SPTB: variants seen among roughly 807,000 people sequenced by gnomAD.
The protein encoded by SPTB is spectrin beta, erythrocytic, also known as spectrin beta chain, erythrocytic.
In SPTB, 45 loss-of-function variants were observed where a neutral mutation model predicts 256.2. The ratio of observed to expected loss-of-function variants is 0.18; its 90% CI spans 0.14 to 0.23. The LOEUF (loss-of-function observed/expected upper bound fraction) is 0.23. Ranked by LOEUF, SPTB falls within the 10% of genes least tolerant of loss-of-function variation. The pLI is 1.00. For synonymous variants in SPTB, 1,231 were observed against 1,243.1 expected (o/e 0.99, Z 0.21); for missense variants, 2,715 against 3,040.4 (o/e 0.89, Z 2.52).
chr14:64,862,983 C>T (rs1189195869), intron 1 of SPTB, among the ~76,000 whole-genome samples: 1 of 152,144 alleles, frequency 6.6e-6, no homozygotes, highest in Non-Finnish European at 1.5e-5. Flanking sequence ...TCCTACCTCA[C>T]ATAGAAAGTA....
At position 64,777,127 on chromosome 14, in the gene SPTB, A is replaced by C. The variant is rs111327469; in HGVS notation, c.4564-1724T>G. On this transcript the variant is annotated intron_variant, in intron 22 of 35. Coordinates refer to ENST00000644917, the MANE Select transcript of SPTB (RefSeq NM_001355436.2). This position sits in a 1 kb window ranked among gnomAD's most constrained non-coding sequence, Gnocchi z 4.5. ...TGAGGATACGAAACTTGACCATGAC[A>C]TGAATGACGGGAGGGAGGCAACCAC... Among the ~76,000 whole-genome samples the C allele has an allele frequency of 1.3e-5, 2 of 152,226 alleles. No homozygotes were observed. The highest frequency in any genetic ancestry group is 4.8e-5 in the African/African-American group (2 of 41,462).
intron 1 of SPTB, among the ~76,000 whole-genome samples, chr14:64,846,237 T>C (rs1315675913): frequency 3.9e-5 from 6 of 152,282 alleles, no homozygotes; most frequent in South Asian, 4.1e-4. Flanking sequence ...GCCCCAGAAG[T>C]AGAGTGGACT....
intron 1 of SPTB, among the ~76,000 whole-genome samples, chr14:64,846,433 G>T (rs1367767877): frequency 6.6e-6 from 1 of 152,232 alleles, no homozygotes; most frequent in Non-Finnish European, 1.5e-5. Context: ...GCTGCAGAAA[G>T]CCTGCACAGA....
Position 64,748,161 on chromosome 14 carries a change from G to A in SPTB, c.*1145C>T, listed in dbSNP as rs1452614973. ...GTGCAGGAGTAGCTGTCACATGGGT[G>A]GTGATACCAAGACATGGCTGCGTCT... is the stretch of plus-strand genomic sequence containing the variant. On this transcript the variant is annotated 3_prime_UTR_variant, in exon 36 of 36. Transcript: ENST00000644917. The A allele has an allele frequency of 6.6e-6, 1 of 152,058 alleles. No homozygotes were observed. The highest frequency in any genetic ancestry group is 1.5e-5 in the Non-Finnish European group (1 of 68,046). 9.4% of individuals were successfully genotyped at this position (152,058 alleles called of 1,614,324 possible).
chr14:64,766,604 G>A (rs1001078566), intron 32 of SPTB, 122 bp downstream of exon 32: 3 of 1,606,908 alleles, frequency 1.9e-6, no homozygotes, highest in African/African-American at 1.3e-5. Context: ...GGGATGTGGG[G>A]AGGATGGAGG....
chr14:64,853,354 ACCTCTT>A lies in SPTB; in HGVS notation c.-52+26432_-52+26437del, dbSNP rs1378849549. On this transcript the variant is annotated intron_variant, in intron 1 of 35. Transcript: ENST00000644917. This position sits in a 1 kb window ranked among gnomAD's most constrained non-coding sequence, Gnocchi z 4.3. Reference sequence around the variant, plus strand: ...AGGAGCTGAGGGTGAACCCTGGAGAACCTCTTCCTCAGGATATGCCCAGGAAGCCAT... The same window carrying A: ...AGGAGCTGAGGGTGAACCCTGGAGAACCTCAGGATATGCCCAGGAAGCCAT... Among the ~76,000 whole-genome samples the A allele has an allele frequency of 6.6e-6, 1 of 152,180 alleles. No homozygotes were observed. The highest frequency in any genetic ancestry group is 1.5e-5 in the Non-Finnish European group (1 of 68,028).
Position 64,825,205 on chromosome 14 carries a change from G to T in SPTB, c.-51-2060C>A, listed in dbSNP as rs1260445905. Among the ~76,000 whole-genome samples the T allele has an allele frequency of 6.6e-6, 1 of 152,106 alleles. No homozygotes were observed. The highest frequency in any genetic ancestry group is 1.5e-5 in the Non-Finnish European group (1 of 68,030). On this transcript the variant is annotated intron_variant, in intron 1 of 35. Coordinates refer to ENST00000644917, the MANE Select transcript of SPTB (RefSeq NM_001355436.2). This position sits in a 1 kb window ranked among gnomAD's most constrained non-coding sequence, Gnocchi z 4.8. ...GGTGGGGAAAGGACATGGTGCATGG[G>T]GACAGAGGGCATTTCCCAGCCAGGG...
intron 1 of SPTB, among the ~76,000 whole-genome samples, chr14:64,878,263 AG>A (rs1334847551): frequency 6.6e-6 from 1 of 152,162 alleles, no homozygotes; most frequent in African/African-American, 2.4e-5. Context: ...GTGGGTTTCA[AG>A]GCTGGTGGGC....
chr14:64,778,682 C>A lies in SPTB; in HGVS notation c.4563+475G>T, dbSNP rs1420367299. On this transcript the variant is annotated intron_variant, in intron 22 of 35. Transcript: ENST00000644917. The surrounding 1 kb of genome is among the most constrained non-coding windows in gnomAD (Gnocchi z 5.2). The stretch of plus-strand genomic sequence containing the variant: ...GCTTCCTAATGGAATTTGAGCCCCA[C>A]AAGTATCCTCATATGTCGAGAGAAA... Among the ~76,000 whole-genome samples, 1 of 152,206 alleles carries A rather than the reference C, an allele frequency of 6.6e-6. No homozygotes were observed. The highest frequency in any genetic ancestry group is 1.9e-4 in the East Asian group (1 of 5,194).
At chr14:64,840,787 T>C (rs562940594) in intron 1 of SPTB, among the ~76,000 whole-genome samples, 6 of 152,258 alleles carry the variant, frequency 3.9e-5, no homozygotes, top group Admixed American at 6.5e-5. Context: ...AGATCAGCAA[T>C]AGAGCAGAGT....
Position 64,753,602 on chromosome 14 carries a change from C to T in SPTB, c.6537G>A (p.Val2179=), listed in dbSNP as rs971672545. The T allele has an allele frequency of 1.9e-6, 3 of 1,613,590 alleles. No individual in the cohort carries two copies. Among genetic ancestry groups the T allele is most frequent in the Non-Finnish European group, 8.5e-7 (1 of 1,180,048 alleles). The change falls in exon 33 of 36, where the codon GTG becomes GTA. Residue 2179 remains valine (V), a synonymous_variant. Coordinates refer to ENST00000644917, the MANE Select transcript of SPTB (RefSeq NM_001355436.2). ...LPAPRDHGQS[V]QMEGYLGRKH... ...TGCGGCCCAGGTAGCCTTCCATCTG[C>T]ACACTCTGCCCATGGTCCCGCGGGG...
At position 64,758,335 on chromosome 14, in the gene SPTB, GT is replaced by G. The variant is rs993403639; in HGVS notation, c.6346-4543del. Among the ~76,000 whole-genome samples, 1 of 152,246 alleles carries G rather than the reference GT, an allele frequency of 6.6e-6. No individual in the cohort carries two copies. The highest frequency in any genetic ancestry group is 2.4e-5 in the African/African-American group (1 of 41,468). On this transcript the variant is annotated intron_variant, in intron 32 of 35. Transcript: ENST00000644917. This position sits in a 1 kb window ranked among gnomAD's most constrained non-coding sequence, Gnocchi z 4.6. ...GCCCCTCCTTTCTCGGCCAGTTTCA[GT>G]TGGAACATTCTGAGGCTTGAGACAG...
chr14:64,806,651 CTTCTGTGCACTCAT>C lies in SPTB; in HGVS notation c.149-1575_149-1562del. On this transcript the variant is annotated intron_variant, in intron 2 of 35. Coordinates refer to ENST00000644917, the MANE Select transcript of SPTB (RefSeq NM_001355436.2). The surrounding 1 kb of genome is among the most constrained non-coding windows in gnomAD (Gnocchi z 4.1). ...GTATTAGGAACTCAGACCCTTGATT[CTTCTGTGCACTCAT>C]TGAGCAAATATTTACCGTACAACCG... is the stretch of plus-strand genomic sequence containing the variant. Among the ~76,000 whole-genome samples, 1 of 152,300 alleles carries C rather than the reference CTTCTGTGCACTCAT, an allele frequency of 6.6e-6. No individual in the cohort carries two copies. The highest frequency in any genetic ancestry group is 1.5e-5 in the Non-Finnish European group (1 of 68,034).
At chr14:64,879,112 T>C (rs937831745) in intron 1 of SPTB, among the ~76,000 whole-genome samples, 3 of 152,078 alleles carry the variant, frequency 2.0e-5, no homozygotes, top group African/African-American at 4.8e-5. Flanking sequence ...GAGGGTAGAG[T>C]AGCCCGGAGA....
In SPTB at chr14:64,753,621, C is replaced by G. The variant is rs146688698; in HGVS notation, c.6518G>C (p.Arg2173Pro). 183 of 1,613,660 alleles carry G rather than the reference C, an allele frequency of 1.1e-4. 1 individual carries two copies. In the African/African-American group the frequency reaches 2.1e-3, roughly 18 times the overall value. The change falls in exon 33 of 36, where the codon CGG becomes CCG. Residue 2173 changes from arginine to proline, a missense_variant. Arg to Pro is a moderately radical substitution (Grantham distance 103, BLOSUM62 -2). Coordinates refer to ENST00000644917, the MANE Select transcript of SPTB (RefSeq NM_001355436.2). ...CATCTGCACACTCTGCCCATGGTCC[C>G]GCGGGGCCGGCAGCGTTGCGGGCTC... ...GDEPATLPAPRDHGQSVQMEG... is the reference protein window; with the variant it reads ...GDEPATLPAPPDHGQSVQMEG...
At chr14:64,837,572 T>C (rs992356355) in intron 1 of SPTB, among the ~76,000 whole-genome samples, 1 of 152,206 alleles carries the variant, frequency 6.6e-6, no homozygotes, top group Admixed American at 6.5e-5. Context: ...AGAACTTTTT[T>C]TGAGAAATCA....
At chr14:64,765,041 T>TGC (rs1555366153) in intron 32 of SPTB, among the ~76,000 whole-genome samples, 5,917 of 116,940 alleles carry the variant, frequency 0.051, 214 homozygotes, top group East Asian at 0.2. Context: ...TGTGTGTGTG[T>TGC]GCGCGCGCGC....
In SPTB at chr14:64,806,789, C is replaced by T. The variant is rs1009088468; in HGVS notation, c.149-1699G>A. Among the ~76,000 whole-genome samples the T allele has an allele frequency of 5.9e-5, 9 of 152,128 alleles. No individual in the cohort carries two copies. The highest frequency in any genetic ancestry group is 1.0e-4 in the Non-Finnish European group (7 of 68,030). ...GACTCTATTATAAATATGACGAGGG[C>T]TTGAGTCATACATGAAGAATGAAGA... is the stretch of plus-strand genomic sequence containing the variant. On this transcript the variant is annotated intron_variant, in intron 2 of 35. Transcript: ENST00000644917. This position sits in a 1 kb window ranked among gnomAD's most constrained non-coding sequence, Gnocchi z 4.1.
chr14:64,770,430 C>A (rs529577081), intron 27 of SPTB, among the ~76,000 whole-genome samples: 169 of 152,332 alleles, frequency 1.1e-3, no homozygotes, highest in Non-Finnish European at 1.9e-3. Context: ...GCAGAGTGGT[C>A]TGATCTCTGC....
Sources: allele counts gnomAD v4.1 joint callset (sites outside exome capture counted in the v4.1 genomes callset), GRCh38; gene constraint gnomAD v4.1.1; non-coding constraint Gnocchi (gnomAD v3.1); transcripts MANE v1.5; gene names NCBI Gene and HGNC (gene_info 2026-07-23, HGNC 2026-07-21).